The following VPS8 variants were observed in gnomAD, a reference collection of about 807,000 sequenced individuals.
VPS8 encodes vacuolar protein sorting-associated protein 8 homolog.
Under a neutral mutation model 216.4 loss-of-function variants are expected in VPS8, and 129 were observed. The observed-to-expected ratio is 0.60, with a 90% CI of 0.52 to 0.69. The LOEUF is 0.69. Ranked by LOEUF, VPS8 falls within the 30% of genes least tolerant of loss-of-function variation. The pLI is 0.00. For missense variants in VPS8, 1,531 were observed against 1,683.5 expected (o/e 0.91, Z 1.59); for synonymous variants, 571 against 565.4 (o/e 1.01, Z -0.14).
At chr3:184,929,306 G>A (rs1275610744) in intron 32 of VPS8, among the ~76,000 whole-genome samples, 1 of 152,094 alleles carries the variant, frequency 6.6e-6, no homozygotes, top group African/African-American at 2.4e-5. Context: ...CAATCCTCCT[G>A]CCTCAGCTTC....
At position 184,930,481 on chromosome 3, in the gene VPS8, T is replaced by C; in HGVS notation, c.2811T>C (p.Phe937=). The C allele has an allele frequency of 1.2e-6, 2 of 1,612,198 alleles. No homozygotes were observed. The highest frequency in any genetic ancestry group is 1.7e-6 in the Non-Finnish European group (2 of 1,178,402). Residue 937 remains phenylalanine, a synonymous_variant, in exon 34 of 48, where the codon TTT becomes TTC. Coordinates refer to ENST00000625842, the MANE Select transcript of VPS8 (RefSeq NM_001009921.3). ...CTTGTGCTCTTCAGGAAGAAGTCTT[T>C]AATTACATTCACAATATCTTATCCA... ...LRDPLREEEV[F]NYIHNILSIP... is the part of the protein sequence containing the mutation.
chr3:184,966,230 G>A (rs1323749845), intron 38 of VPS8, among the ~76,000 whole-genome samples: 1 of 152,088 alleles, frequency 6.6e-6, no homozygotes, highest in Admixed American at 6.6e-5. Flanking sequence ...CATGTAAACT[G>A]ATAGAGGGAG....
At chr3:184,829,946 T>G (rs1471576762) in intron 3 of VPS8, among the ~76,000 whole-genome samples, 1 of 152,234 alleles carries the variant, frequency 6.6e-6, no homozygotes, top group African/African-American at 2.4e-5. Context: ...ATCTTCTTTC[T>G]TTCTGTACAT....
rs557445647 is a variant in VPS8, at chr3:184,934,053, A to G, written c.2899-2193A>G. Among the ~76,000 whole-genome samples, 6 of 152,318 alleles carry G rather than the reference A, an allele frequency of 3.9e-5. No individual in the cohort carries two copies. In the South Asian group the frequency reaches 1.2e-3, roughly 32 times the overall value. On this transcript the variant is annotated intron_variant, in intron 34 of 47. Transcript: ENST00000625842. ...ATTTTGAAGATAATTTGCAATCTTT[A>G]CAATATTGAGTCTTCATATCTATGA...
At position 185,051,787 on chromosome 3, in the gene VPS8, T is replaced by C. The variant is rs553309375; in HGVS notation, c.4138-89T>C. The C allele has an allele frequency of 1.8e-5, 26 of 1,410,580 alleles. No individual in the cohort carries two copies. In the South Asian group the frequency reaches 3.8e-4, roughly 20 times the overall value. 87.4% of individuals were successfully genotyped at this position (1,410,580 alleles called of 1,614,324 possible). A position where few individuals can be genotyped will look rare whatever the true frequency, so the allele number is the denominator to read the frequency against. On this transcript the variant is annotated intron_variant, in intron 47 of 47. Coordinates refer to ENST00000625842, the MANE Select transcript of VPS8 (RefSeq NM_001009921.3). ...TTACTACTCCTGCAACACAGCACTG[T>C]CTCTCATGTATCTGAAGCAGTGGAT...
At chr3:184,873,046 C>T (rs1186157271) in intron 21 of VPS8, among the ~76,000 whole-genome samples, 1 of 152,076 alleles carries the variant, frequency 6.6e-6, no homozygotes, top group Non-Finnish European at 1.5e-5. Flanking sequence ...CTGTGGAGTA[C>T]AAAATAGGGA....
chr3:184,905,461 T>G (rs990839492), intron 25 of VPS8, among the ~76,000 whole-genome samples: 2 of 152,186 alleles, frequency 1.3e-5, no homozygotes, highest in African/African-American at 4.8e-5. Flanking sequence ...TACTAATTTT[T>G]GTAATTTGAC....
chr3:184,841,523 C>T (rs986808423), intron 7 of VPS8, among the ~76,000 whole-genome samples: 2 of 152,190 alleles, frequency 1.3e-5, no homozygotes, highest in Middle Eastern at 6.8e-3. Flanking sequence ...TGAACATCTT[C>T]GTTACTACAT....
rs1385609134 is a variant in VPS8 at position 184,967,476 on chromosome 3, G to A, written c.3316+763G>A. Among the ~76,000 whole-genome samples the A allele has an allele frequency of 2.0e-5, 3 of 152,098 alleles. 1 individual carries two copies. The highest frequency in any genetic ancestry group is 4.4e-5 in the Non-Finnish European group (3 of 68,024). ...AAAAGTTGACAATTTAGTATCTTGA[G>A]TGGTTTTGTCCTCAGCAAATACAAA... On this transcript the variant is annotated intron_variant, in intron 39 of 47. Coordinates refer to ENST00000625842, the MANE Select transcript of VPS8 (RefSeq NM_001009921.3).
Position 184,870,711 on chromosome 3 carries a change from T to A in VPS8, c.1645-5T>A. 1 of 1,609,002 alleles carries A rather than the reference T, an allele frequency of 6.2e-7. No homozygotes were observed. Among genetic ancestry groups the A allele is most frequent in the Non-Finnish European group, 8.5e-7 (1 of 1,177,344 alleles). ...AATGTCTATGCCAGGCTGTTTTCCT[T>A]ACAGATGGTAGAAATCCTATTCCAT... On this transcript the variant is annotated splice_region_variant and splice_polypyrimidine_tract_variant and intron_variant, in intron 20 of 47. Coordinates refer to ENST00000625842, the MANE Select transcript of VPS8 (RefSeq NM_001009921.3).
intron 3 of VPS8, among the ~76,000 whole-genome samples, chr3:184,830,271 T>C (rs1480163271): frequency 6.6e-6 from 1 of 152,198 alleles, no homozygotes. Flanking sequence ...TAGGTGTGGA[T>C]CTGAGTCCAT....
intron 31 of VPS8, among the ~76,000 whole-genome samples, chr3:184,927,503 C>T (rs888631789): frequency 6.6e-6 from 1 of 151,232 alleles, no homozygotes; most frequent in African/African-American, 2.4e-5. Context: ...AGTATATGGG[C>T]CCCCTCATTT....
intron 40 of VPS8, among the ~76,000 whole-genome samples, chr3:184,977,568 A>T (rs1052237801): frequency 6.6e-6 from 1 of 152,042 alleles, no homozygotes; most frequent in African/African-American, 2.4e-5. Flanking sequence ...TATTCTTCTA[A>T]GAGTTTTATA....
chr3:184,825,556 G>A (rs1477909829), intron 2 of VPS8, among the ~76,000 whole-genome samples: 2 of 152,184 alleles, frequency 1.3e-5, no homozygotes, highest in African/African-American at 4.8e-5. Context: ...TTTCTTAGAT[G>A]TTGTTTTGTC....
chr3:184,921,041 G>A (rs1738516142), intron 29 of VPS8, among the ~76,000 whole-genome samples: 1 of 152,170 alleles, frequency 6.6e-6, no homozygotes, highest in Admixed American at 6.5e-5. Flanking sequence ...ATGCCAGTTT[G>A]ATTGAGTTGG....
At chr3:184,879,275 G>A (rs1232209189) in intron 21 of VPS8, among the ~76,000 whole-genome samples, 4 of 152,122 alleles carry the variant, frequency 2.6e-5, no homozygotes, top group African/African-American at 9.7e-5. Context: ...AAATATACAT[G>A]AATATCCGAC....
chr3:184,937,908 G>T (rs1330448513), intron 35 of VPS8, among the ~76,000 whole-genome samples: 5 of 152,142 alleles, frequency 3.3e-5, no homozygotes, highest in Non-Finnish European at 7.3e-5. Flanking sequence ...AATACGAAAC[G>T]GTTTCACATG....
chr3:184,887,550 A>G (rs1452153183), intron 22 of VPS8, among the ~76,000 whole-genome samples: 2 of 152,150 alleles, frequency 1.3e-5, no homozygotes, highest in Non-Finnish European at 2.9e-5. Flanking sequence ...AGATGTGCCA[A>G]AGCCAGAAAG....
At position 184,824,747 on chromosome 3, in the gene VPS8, A is replaced by G. The variant is rs1381864416; in HGVS notation, c.115A>G (p.Ile39Val). 6.2e-7 allele frequency: 1 copy of G among 1,613,408 alleles called. No individual in the cohort carries two copies. Among genetic ancestry groups the G allele is most frequent in the African/African-American group, 1.3e-5 (1 of 75,034 alleles). Residue 39 changes from isoleucine to valine, a missense_variant, in exon 2 of 48, where the codon ATA (isoleucine) becomes GTA (valine). Ile to Val is a conservative substitution (Grantham distance 29). Transcript: ENST00000625842. ...LEASLSKFSY[I>V]DMDKELEFKN... The stretch of plus-strand genomic sequence containing the variant: ...AGCTTCACTTTCAAAATTCTCTTAC[A>G]TAGATATGGACAAGGAACTGGAGTT...
Sources: allele counts gnomAD v4.1 joint callset (sites outside exome capture counted in the v4.1 genomes callset), GRCh38; gene constraint gnomAD v4.1.1; transcripts MANE v1.5; gene names NCBI Gene and HGNC (gene_info 2026-07-23, HGNC 2026-07-21).